P3H3: variants seen among roughly 807,000 people sequenced by gnomAD.
P3H3 encodes the protein gene rich cluster, B.
A neutral mutation model predicts 78.1 loss-of-function variants in P3H3; 64 were observed. That is an observed-to-expected ratio of 0.82 (90% CI 0.67 to 1.01). The LOEUF is 1.01. Ranked by LOEUF, P3H3 falls within the 50% of genes least tolerant of loss-of-function variation. The pLI is 0.00. For missense variants in P3H3, 975 were observed against 982.2 expected (o/e 0.99, Z 0.10); for synonymous variants, 425 against 416.7 (o/e 1.02, Z -0.24).
chr12:6,835,665 C>A (rs1943489124), intron 9 of P3H3, among the ~76,000 whole-genome samples: 1 of 151,450 alleles, frequency 6.6e-6, no homozygotes, highest in Non-Finnish European at 1.5e-5. Flanking sequence ...TGTATGTTAC[C>A]AAGAGACAGT....
Position 6,829,644 on chromosome 12 carries a change from C to A in P3H3, c.499-215C>A. ...CACCCAACTCCGACGTCTTTAGATC[C>A]CCTTTCCCTCGGTGCCAGCCTTCTG... On this transcript the variant is annotated intron_variant, in intron 1 of 14. Coordinates refer to ENST00000290510, the MANE Select transcript of P3H3 (RefSeq NM_014262.5). This position sits in a 1 kb window ranked among gnomAD's most constrained non-coding sequence, Gnocchi z 5.1. 1.7e-6 allele frequency: 1 copy of A among 579,108 alleles called. No homozygotes were observed. The highest frequency in any genetic ancestry group is 2.1e-5 in the South Asian group (1 of 48,268). 35.9% of individuals were successfully genotyped at this position (579,108 alleles called of 1,614,324 possible).
Position 6,829,728 on chromosome 12 carries a change from T to C in P3H3, c.499-131T>C, listed in dbSNP as rs1029546944. On this transcript the variant is annotated intron_variant, in intron 1 of 14. Transcript: ENST00000290510. This position sits in a 1 kb window ranked among gnomAD's most constrained non-coding sequence, Gnocchi z 5.1. ...CAGTTCGGGCGGTGGGCGGTTCTGA[T>C]TGGCCAGTCTTCCATGAGGCTCTGG... is the stretch of plus-strand genomic sequence containing the variant. The C allele has an allele frequency of 5.9e-5, 54 of 922,522 alleles. No individual in the cohort carries two copies. The African/African-American group carries it at 7.0e-4, about 12-fold the overall frequency. 57.1% of individuals were successfully genotyped at this position (922,522 alleles called of 1,614,324 possible).
chr12:6,833,970 A>G lies in P3H3; in HGVS notation c.1379A>G (p.Gln460Arg), dbSNP rs782083133. The part of the protein sequence containing the change: ...EGVTLTQDSR[Q>R]LNGSERAVLD... ...GTGACCTTGACCCAGGATTCCAGGC[A>G]GCTGAATGGGTCGGAGCGGGCGGTG... is the stretch of plus-strand genomic sequence containing the variant. Residue 460 changes from glutamine (Q) to arginine (R), a missense_variant, in exon 9 of 15, where the codon CAG becomes CGG. Coordinates refer to ENST00000290510, the MANE Select transcript of P3H3 (RefSeq NM_014262.5). 7 of 1,613,850 alleles carry G rather than the reference A, an allele frequency of 4.3e-6. No homozygotes were observed. Among genetic ancestry groups the G allele is most frequent in the Admixed American group, 3.3e-5 (2 of 60,012 alleles).
At position 6,833,940 on chromosome 12, in the gene P3H3, A is replaced by G; in HGVS notation, c.1349A>G (p.Glu450Gly). ...LTYWKDVLLL[E>G]GVTLTQDSRQ... Reference sequence around the variant, plus strand: ...TCCCTGGCAGATGTCCTTCTCCTGGAGGGTGTGACCTTGACCCAGGATTCC... The same window carrying G: ...TCCCTGGCAGATGTCCTTCTCCTGGGGGGTGTGACCTTGACCCAGGATTCC... Residue 450 changes from glutamate (E) to glycine (G), a missense_variant, in exon 9 of 15, where the codon GAG becomes GGG. Physicochemically the swap from Glu to Gly is moderately conservative, Grantham distance 98 (BLOSUM62 -2). Transcript: ENST00000290510. 1.2e-6 allele frequency: 2 copies of G among 1,613,888 alleles called. No homozygotes were observed. Among genetic ancestry groups the G allele is most frequent in the Admixed American group, 1.7e-5 (1 of 60,026 alleles).
chr12:6,831,769 C>T lies in P3H3; in HGVS notation c.1123-56C>T, dbSNP rs376596552. The T allele has an allele frequency of 1.1e-4, 126 of 1,109,780 alleles. No individual in the cohort carries two copies. Among genetic ancestry groups the T allele is most frequent in the East Asian group, 2.0e-4 (8 of 39,742 alleles). The allele number at this position is 1,109,780 out of a possible 1,614,324, so 68.7% of individuals were successfully genotyped here. A position where few individuals can be genotyped will look rare whatever the true frequency, so the allele number is the denominator to read the frequency against. ...GAGCACCCAGGCAGTGCCCTAGAGC[C>T]GGCGCTTCCCTGCCTTCCTCCAGCT... is the stretch of plus-strand genomic sequence containing the variant. On this transcript the variant is annotated intron_variant, in intron 5 of 14. Coordinates refer to ENST00000290510, the MANE Select transcript of P3H3 (RefSeq NM_014262.5). The surrounding 1 kb of genome is among the most constrained non-coding windows in gnomAD (Gnocchi z 4.6).
chr12:6,830,544 G>A lies in P3H3; in HGVS notation c.843G>A (p.Glu281=), dbSNP rs782615089. ...CTGCGAGCCAGGGGGGCCTCTATGA[G>A]GCCATTGCAGGTAAGGGTCCCGTGT... is the stretch of plus-strand genomic sequence containing the variant. ...DGAASQGGLY[E]AIAGHWIQVL... is the part of the protein sequence containing the mutation. Residue 281 remains glutamate, a synonymous_variant, in exon 3 of 15, where the codon GAG becomes GAA. Transcript: ENST00000290510. 63 of 1,572,838 alleles carry A rather than the reference G, an allele frequency of 4.0e-5. No homozygotes were observed. Among genetic ancestry groups the A allele is most frequent in the Non-Finnish European group, 5.3e-5 (62 of 1,159,928 alleles).
chr12:6,829,187 C>T lies in P3H3; in HGVS notation c.498+249C>T. On this transcript the variant is annotated intron_variant, in intron 1 of 14. Transcript: ENST00000290510. This position sits in a 1 kb window ranked among gnomAD's most constrained non-coding sequence, Gnocchi z 5.1. Reference sequence around the variant, plus strand: ...GGGAGGTCGTGAGGTGGGACGGGAGCAGATCGAAGATGGAGGGACAGGGCC... The same window carrying T: ...GGGAGGTCGTGAGGTGGGACGGGAGTAGATCGAAGATGGAGGGACAGGGCC... 2.6e-6 allele frequency: 1 copy of T among 384,858 alleles called. No individual in the cohort carries two copies. The highest frequency in any genetic ancestry group is 4.6e-6 in the Non-Finnish European group (1 of 217,652). The allele number at this position is 384,858 out of a possible 1,614,324, so 23.8% of individuals were successfully genotyped here.
chr12:6,838,049 G>C lies in P3H3; in HGVS notation c.1905+16G>C. ...CACTGTCACGGTGCGTGGAGTGGGG[G>C]GTGTGACGGTGTGACAAAGGGCCCA... On this transcript the variant is annotated intron_variant, in intron 13 of 14. Transcript: ENST00000290510. 6.3e-7 allele frequency: 1 copy of C among 1,584,090 alleles called. No individual in the cohort carries two copies. The highest frequency in any genetic ancestry group is 8.6e-7 in the Non-Finnish European group (1 of 1,164,414).
At position 6,831,777 on chromosome 12, in the gene P3H3, C is replaced by T. The variant is rs1555121471; in HGVS notation, c.1123-48C>T. 19 of 1,241,310 alleles carry T rather than the reference C, an allele frequency of 1.5e-5. No individual in the cohort carries two copies. The highest frequency in any genetic ancestry group is 2.2e-5 in the Non-Finnish European group (19 of 856,286). The allele number at this position is 1,241,310 out of a possible 1,614,324, so 76.9% of individuals were successfully genotyped here. On this transcript the variant is annotated intron_variant, in intron 5 of 14. Transcript: ENST00000290510. The surrounding 1 kb of genome is among the most constrained non-coding windows in gnomAD (Gnocchi z 4.6). ...AGGCAGTGCCCTAGAGCCGGCGCTT[C>T]CCTGCCTTCCTCCAGCTACCCCTCA...
intron 13 of P3H3, among the ~76,000 whole-genome samples, chr12:6,838,744 G>C (rs1446523501): frequency 6.6e-6 from 1 of 152,186 alleles, no homozygotes; most frequent in African/African-American, 2.4e-5. Context: ...CAGGGTACCA[G>C]GGGTCAGGAA....
rs376420128 is a variant in P3H3 at position 6,839,400 on chromosome 12, G to A, written c.2150G>A (p.Arg717His). Residue 717 changes from arginine (R) to histidine (H), a missense_variant, in exon 15 of 15, where the codon CGC becomes CAC. Coordinates refer to ENST00000290510, the MANE Select transcript of P3H3 (RefSeq NM_014262.5). ...SKDPSPEPPSRRHQRVQDKTG... is the reference protein window; with the variant it reads ...SKDPSPEPPSHRHQRVQDKTG... ...GACCCTTCCCCAGAGCCCCCTAGCC[G>A]CAGGCACCAGAGGGTCCAAGACAAG... 1.2e-5 allele frequency: 18 copies of A among 1,552,234 alleles called. No homozygotes were observed. The highest frequency in any genetic ancestry group is 5.5e-5 in the African/African-American group (4 of 73,048).
In P3H3 at chr12:6,834,042, T is replaced by C; in HGVS notation, c.1451T>C (p.Leu484Pro). The C allele has an allele frequency of 6.2e-7, 1 of 1,613,512 alleles. No individual in the cohort carries two copies. Among genetic ancestry groups the C allele is most frequent in the Non-Finnish European group, 8.5e-7 (1 of 1,179,842 alleles). ...TPAECGVLLQLAKDAAGAGAR... is the reference protein window; with the variant it reads ...TPAECGVLLQPAKDAAGAGAR... Reference sequence around the variant, plus strand: ...GCCGAGTGTGGGGTGCTGCTGCAGCTGGCTAAGGTAGGAAGACCTGCAAGC... The same window carrying C: ...GCCGAGTGTGGGGTGCTGCTGCAGCCGGCTAAGGTAGGAAGACCTGCAAGC... The change falls in exon 9 of 15, where the codon CTG becomes CCG. Residue 484 changes from leucine to proline, a missense_variant. Transcript: ENST00000290510.
chr12:6,830,575 G>C, intron 3 of P3H3, 21 bp downstream of exon 3: 1 of 1,579,910 alleles, frequency 6.3e-7, no homozygotes, highest in Non-Finnish European at 8.6e-7. Context: ...CGTGTGTGAG[G>C]GGGTGGGTCG....
At chr12:6,832,205 A>G (rs1474974075) in intron 6 of P3H3, among the ~76,000 whole-genome samples, 1 of 152,206 alleles carries the variant, frequency 6.6e-6, no homozygotes, top group African/African-American at 2.4e-5. Flanking sequence ...AGGGCTGTTG[A>G]AACCACATCA....
intron 2 of P3H3, 77 bp from the exon 3 acceptor site, chr12:6,830,276 C>G: frequency 1.4e-6 from 2 of 1,411,670 alleles, no homozygotes; most frequent in Non-Finnish European, 2.0e-6. Context: ...CAAATGAGAC[C>G]AACACCCCTC....
Position 6,837,090 on chromosome 12 carries a change from A to G in P3H3, c.1560+4A>G, listed in dbSNP as rs782588399. 2.5e-6 allele frequency: 4 copies of G among 1,599,850 alleles called. No individual in the cohort carries two copies. In the Admixed American group the frequency reaches 6.7e-5, roughly 27 times the overall value. On this transcript the variant is annotated splice_donor_region_variant and intron_variant, in intron 10 of 14. Transcript: ENST00000290510. ...CACGGTGCTTAAGGCTGCGCAGGTG[A>G]GCACAGGAGGCACCCGGGCCCGTCT...
At position 6,831,144 on chromosome 12, in the gene P3H3, G is replaced by A; in HGVS notation, c.986-72G>A. On this transcript the variant is annotated intron_variant, in intron 4 of 14. Transcript: ENST00000290510. The surrounding 1 kb of genome is among the most constrained non-coding windows in gnomAD (Gnocchi z 4.6). ...TCTGGAGACCACCTTCTCCAGCACT[G>A]CCTCTGCCCCAAGGATCAATGTGCT... is the stretch of plus-strand genomic sequence containing the variant. 2 of 1,594,708 alleles carry A rather than the reference G, an allele frequency of 1.3e-6. No individual in the cohort carries two copies. The highest frequency in any genetic ancestry group is 1.7e-6 in the Non-Finnish European group (2 of 1,163,142).
At chr12:6,836,943 G>GA (rs1943503552) in intron 9 of P3H3, 42 bp from the exon 10 acceptor site, 3 of 1,476,564 alleles carry the variant, frequency 2.0e-6, no homozygotes, top group Non-Finnish European at 2.8e-6. Flanking sequence ...AGACAGTGAG[G>GA]GGCTGGGGGA....
At position 6,839,541 on chromosome 12, in the gene P3H3, CT is replaced by C; in HGVS notation, c.*81del. 5 of 1,473,082 alleles carry C rather than the reference CT, an allele frequency of 3.4e-6. No homozygotes were observed. The highest frequency in any genetic ancestry group is 4.5e-6 in the Non-Finnish European group (5 of 1,100,572). The allele number at this position is 1,473,082 out of a possible 1,614,324, so 91.3% of individuals were successfully genotyped here. ...TGATGCCAGGACACACAGGAAGCCC[CT>C]GTGTGACATCAGGAGCAGAACAGCA... On this transcript the variant is annotated 3_prime_UTR_variant, in exon 15 of 15. Coordinates refer to ENST00000290510, the MANE Select transcript of P3H3 (RefSeq NM_014262.5).
Sources: allele counts gnomAD v4.1 joint callset (sites outside exome capture counted in the v4.1 genomes callset), GRCh38; gene constraint gnomAD v4.1.1; non-coding constraint Gnocchi (gnomAD v3.1); transcripts MANE v1.5; gene names NCBI Gene and HGNC (gene_info 2026-07-23, HGNC 2026-07-21).